MACROD2: variants seen among roughly 807,000 people sequenced by gnomAD.
The protein encoded by MACROD2 is ADP-ribose glycohydrolase MACROD2.
MACROD2 carries 36 observed loss-of-function variants against 70.4 expected under a neutral mutation model. The observed-to-expected ratio is 0.51, with a 90% confidence interval of 0.39 to 0.68. The LOEUF (loss-of-function observed/expected upper bound fraction) is 0.68, where lower values mean the gene tolerates loss of function less well. Ranked by LOEUF, MACROD2 falls within the 30% of genes least tolerant of loss-of-function variation. The probability of loss-of-function intolerance (pLI) is 0.00; values close to 1 mark genes in which losing one functional copy is unlikely to be tolerated. For synonymous variants in MACROD2, 172 were observed against 178.8 expected (o/e 0.96, Z 0.30); for missense variants, 496 against 538.4 (o/e 0.92, Z 0.78).
intron 5 of MACROD2, among the ~76,000 whole-genome samples, chr20:14,964,558 G>A (rs113193023): frequency 0.017 from 2,576 of 151,422 alleles, 76 homozygotes; most frequent in African/African-American, 0.058. Flanking sequence ...GGGCGACAGA[G>A]CAAGACTCCA....
intron 3 of MACROD2, among the ~76,000 whole-genome samples, chr20:14,092,017 T>A (rs965812047): frequency 3.3e-5 from 5 of 152,184 alleles, no homozygotes; most frequent in African/African-American, 1.2e-4. Flanking sequence ...ACTGCTAAAC[T>A]GTTTTTCATA....
chr20:14,889,196 T>G (rs1384471214), intron 5 of MACROD2, among the ~76,000 whole-genome samples: 1 of 152,182 alleles, frequency 6.6e-6, no homozygotes, highest in Non-Finnish European at 1.5e-5. Context: ...CTTATTTTGT[T>G]TATGTAATAA....
chr20:14,384,422 A>C lies in MACROD2; in HGVS notation c.272-109057A>C, dbSNP rs1158324489. ...AGACATAATTGGCACTAAGAAAGGA[A>C]ATAACTAAAGTTGTGTTAAGATAAA... is the stretch of plus-strand genomic sequence containing the variant. On this transcript the variant is annotated intron_variant, in intron 3 of 17. Coordinates refer to ENST00000684519, the MANE Select transcript of MACROD2 (RefSeq NM_001351661.2). 4.6e-5 allele frequency among the ~76,000 whole-genome samples: 7 copies of C among 152,130 alleles called. No homozygotes were observed. In the East Asian group the frequency reaches 1.4e-3, roughly 29 times the overall value.
At chr20:15,492,904 T>C (rs2047250699) in intron 7 of MACROD2, among the ~76,000 whole-genome samples, 1 of 152,182 alleles carries the variant, frequency 6.6e-6, no homozygotes, top group Non-Finnish European at 1.5e-5. Flanking sequence ...ACAGTACCAA[T>C]TTAGAGCTTT....
At chr20:15,134,631 A>C (rs181313896) in intron 5 of MACROD2, among the ~76,000 whole-genome samples, 12 of 151,598 alleles carry the variant, frequency 7.9e-5, no homozygotes, top group Non-Finnish European at 1.3e-4. Context: ...ATCCAAAATT[A>C]ACACCCTAAC....
intron 6 of MACROD2, among the ~76,000 whole-genome samples, chr20:15,299,350 T>C (rs1600215440): frequency 6.6e-6 from 1 of 152,230 alleles, no homozygotes; most frequent in East Asian, 1.9e-4. Context: ...TAAATTTTCT[T>C]GTTTCTGGCT....
At chr20:15,520,381 T>C (rs927205696) in intron 8 of MACROD2, among the ~76,000 whole-genome samples, 4 of 152,196 alleles carry the variant, frequency 2.6e-5, no homozygotes, top group Non-Finnish European at 5.9e-5. Flanking sequence ...GGAACCACAC[T>C]TTCTGGAGCG....
intron 3 of MACROD2, among the ~76,000 whole-genome samples, chr20:14,275,323 G>A (rs1348565586): frequency 2.0e-5 from 3 of 152,052 alleles, no homozygotes; most frequent in Non-Finnish European, 4.4e-5. Context: ...CAGAAATAAC[G>A]TCGCATATCT....
intron 5 of MACROD2, among the ~76,000 whole-genome samples, chr20:15,062,020 A>C (rs2075536500): frequency 6.6e-6 from 1 of 152,180 alleles, no homozygotes; most frequent in Admixed American, 6.5e-5. Flanking sequence ...GTTGCTCTGA[A>C]GGCAGAGCAA....
At chr20:14,086,525 T>G (rs1177720887) in intron 3 of MACROD2, among the ~76,000 whole-genome samples, 1 of 152,198 alleles carries the variant, frequency 6.6e-6, no homozygotes, top group Non-Finnish European at 1.5e-5. Flanking sequence ...GGAGGATGAT[T>G]TCAATAGGGG....
intron 3 of MACROD2, among the ~76,000 whole-genome samples, chr20:14,336,879 G>T (rs2082947116): frequency 6.6e-6 from 1 of 152,210 alleles, no homozygotes. Flanking sequence ...TAAAATCTAG[G>T]TGTAGCTGTT....
intron 2 of MACROD2, among the ~76,000 whole-genome samples, chr20:14,027,227 T>C (rs1164639628): frequency 6.6e-6 from 1 of 152,160 alleles, no homozygotes; most frequent in Non-Finnish European, 1.5e-5. Flanking sequence ...ATCTCTGATA[T>C]CCTTTCTTCC....
intron 5 of MACROD2, among the ~76,000 whole-genome samples, chr20:14,913,680 C>T (rs1265898493): frequency 1.3e-5 from 2 of 152,206 alleles, no homozygotes; most frequent in African/African-American, 2.4e-5. Context: ...GAGTGAGACC[C>T]TGTATCAAAA....
intron 3 of MACROD2, among the ~76,000 whole-genome samples, chr20:14,169,120 T>C (rs369400477): frequency 3.9e-5 from 6 of 152,274 alleles, no homozygotes; most frequent in African/African-American, 1.4e-4. Flanking sequence ...ATCATCTCAA[T>C]AGAAGCAGAA....
chr20:14,364,223 A>G (rs2083251676), intron 3 of MACROD2, among the ~76,000 whole-genome samples: 1 of 152,172 alleles, frequency 6.6e-6, no homozygotes. Context: ...AAACAGAAAA[A>G]TTGATTTGGA....
chr20:15,423,814 C>A (rs1238123533), intron 6 of MACROD2, among the ~76,000 whole-genome samples: 1 of 151,992 alleles, frequency 6.6e-6, no homozygotes, highest in Admixed American at 6.5e-5. Flanking sequence ...CTACTCCCCT[C>A]GTGGAGTGTC....
chr20:15,531,183 A>ATT (rs2047795643), intron 8 of MACROD2, among the ~76,000 whole-genome samples: 1 of 151,766 alleles, frequency 6.6e-6, no homozygotes, highest in African/African-American at 2.4e-5. Context: ...TAGGAAAAAA[A>ATT]TTTTAATATT....
Position 14,414,415 on chromosome 20 carries a change from C to T in MACROD2, c.272-79064C>T, listed in dbSNP as rs2083781835. 1.3e-5 allele frequency among the ~76,000 whole-genome samples: 2 copies of T among 152,168 alleles called. 1 individual carries two copies. Among genetic ancestry groups the T allele is most frequent in the Non-Finnish European group, 2.9e-5 (2 of 68,038 alleles). On this transcript the variant is annotated intron_variant, in intron 3 of 17. Coordinates refer to ENST00000684519, the MANE Select transcript of MACROD2 (RefSeq NM_001351661.2). ...AAATATATCCAGAACCTGAATACTT[C>T]TGCCTGCCTCCATTGCTGGCCCCCA...
intron 5 of MACROD2, among the ~76,000 whole-genome samples, chr20:15,143,884 G>A (rs926759812): frequency 6.8e-5 from 10 of 147,574 alleles, no homozygotes; most frequent in South Asian, 2.1e-4. Flanking sequence ...CCTGGGCCAC[G>A]TAGAAAGAAC....
Sources: gnomAD v4.1 joint callset for allele counts (sites outside exome capture counted in the v4.1 genomes callset) on GRCh38, gnomAD v4.1.1 for gene constraint, MANE v1.5 for transcripts, NCBI Gene and HGNC (gene_info 2026-07-23, HGNC 2026-07-21) for gene names.